The following PSMB3 variants were observed in gnomAD, a reference collection of about 807,000 sequenced individuals.
The protein encoded by PSMB3 is proteasome 20S subunit beta 3.
Under a neutral mutation model 23.3 loss-of-function variants are expected in PSMB3, and 5 were observed. The observed-to-expected ratio is 0.21, with a 90% CI of 0.11 to 0.45. The LOEUF (loss-of-function observed/expected upper bound fraction) is 0.45. Ranked by LOEUF, PSMB3 falls within the 20% of genes least tolerant of loss-of-function variation. The pLI is 0.99. For synonymous variants in PSMB3, 85 were observed against 99.8 expected, an observed-to-expected ratio of 0.85 and a Z score of 0.88; for missense variants, 192 against 277.9, an observed-to-expected ratio of 0.69 and a Z score of 2.20.
intron 5 of PSMB3, 134 bp downstream of exon 5, chr17:38,762,639 G>A: frequency 1.3e-6 from 1 of 744,628 alleles, no homozygotes; most frequent in Non-Finnish European, 2.2e-6. Context: ...GCAGTCCTGG[G>A]TGAGCAAAAG....
chr17:38,762,344 G>C (rs923598378), intron 4 of PSMB3, 67 bp from the exon 5 acceptor site: 1 of 1,336,234 alleles, frequency 7.5e-7, no homozygotes, highest in African/African-American at 1.5e-5. Flanking sequence ...AGAAAAAAGA[G>C]AGTTAAGGGA....
At chr17:38,753,483 C>CTT (rs35484180) in intron 2 of PSMB3, 149 bp downstream of exon 2, 300 of 635,882 alleles carry the variant, frequency 4.7e-4, no homozygotes, top group Non-Finnish European at 6.0e-4. Context: ...CCTTCCCTTT[C>CTT]TTTTTTTTTT....
At chr17:38,762,688 A>G (rs1309678834) in intron 5 of PSMB3, among the ~76,000 whole-genome samples, 183 bp downstream of exon 5, 3 of 152,192 alleles carry the variant, frequency 2.0e-5, no homozygotes, top group East Asian at 3.8e-4. Context: ...CAGCCTACCC[A>G]GCTTCCTCTG....
intron 3 of PSMB3, among the ~76,000 whole-genome samples, chr17:38,757,739 T>C (rs1908267342): frequency 6.6e-6 from 1 of 152,188 alleles, no homozygotes; most frequent in Admixed American, 6.5e-5. Flanking sequence ...CGCTTGAACC[T>C]GGGTGGTGGA....
chr17:38,763,720 C>T (rs1908553551), intron 5 of PSMB3, among the ~76,000 whole-genome samples: 1 of 152,046 alleles, frequency 6.6e-6, no homozygotes, highest in South Asian at 2.1e-4. Flanking sequence ...TCAGGCTGGT[C>T]TTGAACTCCT....
intron 3 of PSMB3, among the ~76,000 whole-genome samples, chr17:38,759,607 C>T (rs910966327): frequency 1.3e-5 from 2 of 151,324 alleles, no homozygotes; most frequent in Non-Finnish European, 2.9e-5. Context: ...TGCAGTGGCG[C>T]GATCTCGGCT....
chr17:38,759,882 C>A (rs951040638), intron 3 of PSMB3, among the ~76,000 whole-genome samples: 5 of 152,148 alleles, frequency 3.3e-5, no homozygotes, highest in Admixed American at 6.6e-5. Flanking sequence ...GTGTCTAGAA[C>A]AAGTTTCTGA....
chr17:38,761,289 G>A (rs1395233373), intron 4 of PSMB3, among the ~76,000 whole-genome samples: 1 of 150,568 alleles, frequency 6.6e-6, no homozygotes, highest in Non-Finnish European at 1.5e-5. Context: ...CGGAGGTTGC[G>A]GTGAACAAAG....
chr17:38,760,589 C>A lies in PSMB3; in HGVS notation c.455C>A (p.Ser152Tyr). The A allele has an allele frequency of 6.2e-7, 1 of 1,614,216 alleles. No individual in the cohort carries two copies. The highest frequency in any genetic ancestry group is 8.5e-7 in the Non-Finnish European group (1 of 1,180,040). The change falls in exon 4 of 6, where the codon TCC (serine) becomes TAC (tyrosine). Residue 152 changes from serine to tyrosine, a missense_variant. Physicochemically the swap from Ser to Tyr is moderately radical, Grantham distance 144. Coordinates refer to ENST00000619426, the MANE Select transcript of PSMB3 (RefSeq NM_002795.4). ...GAACAAATGTACGGAATGTGTGAGT[C>A]CCTCTGGGAGCCCAACATGGTACGT... ...CAEQMYGMCESLWEPNMDPDH... is the reference protein window; with the variant it reads ...CAEQMYGMCEYLWEPNMDPDH...
chr17:38,752,748 A>C lies in PSMB3; in HGVS notation c.-79A>C. Reference sequence around the variant, plus strand: ...ATCAGCCAATGAAGAGACAGCAGTGAGAGCGGTTGCGCAGTGAAGGCTAGA... The same window carrying C: ...ATCAGCCAATGAAGAGACAGCAGTGCGAGCGGTTGCGCAGTGAAGGCTAGA... On this transcript the variant is annotated 5_prime_UTR_variant, in exon 1 of 6. Transcript: ENST00000619426. The surrounding 1 kb of genome is among the most constrained non-coding windows in gnomAD (Gnocchi z 5.5). 6.4e-7 allele frequency: 1 copy of C among 1,557,174 alleles called. No individual in the cohort carries two copies. The highest frequency in any genetic ancestry group is 1.4e-5 in the African/African-American group (1 of 73,890).
Position 38,755,882 on chromosome 17 carries a change from G to C in PSMB3, c.189-1G>C. 1 of 1,613,602 alleles carries C rather than the reference G, an allele frequency of 6.2e-7. No individual in the cohort carries two copies. The highest frequency in any genetic ancestry group is 8.5e-7 in the Non-Finnish European group (1 of 1,179,682). Reference sequence around the variant, plus strand: ...ACTAACTCACTTTTCTCCTACCTCAGTGCCCAGCGCCTCAAGTTCCGGCTG... The same window carrying C: ...ACTAACTCACTTTTCTCCTACCTCACTGCCCAGCGCCTCAAGTTCCGGCTG... On this transcript the variant is annotated splice_acceptor_variant, in intron 2 of 5. Transcript: ENST00000619426. LOFTEE classifies it high-confidence loss of function.
intron 5 of PSMB3, among the ~76,000 whole-genome samples, chr17:38,763,417 T>TA (rs1000144671): frequency 1.3e-5 from 2 of 151,832 alleles, no homozygotes; most frequent in Non-Finnish European, 1.5e-5. Context: ...GGTTTTTTTT[T>TA]ATGTTCTTTG....
At chr17:38,756,108 C>T in intron 3 of PSMB3, 118 bp downstream of exon 3, 1 of 848,364 alleles carries the variant, frequency 1.2e-6, no homozygotes, top group Non-Finnish European at 1.9e-6. Flanking sequence ...AGGATAATAT[C>T]CTTATTTTAT....
At position 38,755,025 on chromosome 17, in the gene PSMB3, A is replaced by G. The variant is rs577904501; in HGVS notation, c.189-858A>G. ...CCCCTTTTTTTTTTTTTTGTCACCC[A>G]GGCTGGTGACATAAACTTAACTCAC... On this transcript the variant is annotated intron_variant, in intron 2 of 5. Transcript: ENST00000619426. Among the ~76,000 whole-genome samples the G allele has an allele frequency of 2.9e-3, 409 of 141,502 alleles. 5 individuals are homozygous for G. Among genetic ancestry groups the G allele is most frequent in the African/African-American group, 0.011 (395 of 37,284 alleles). 92.8% of individuals were successfully genotyped at this position (141,502 alleles called of 152,430 possible). A position where few individuals can be genotyped will look rare whatever the true frequency, so the allele number is the denominator to read the frequency against.
intron 2 of PSMB3, among the ~76,000 whole-genome samples, chr17:38,755,552 G>A (rs1262753801): frequency 6.6e-6 from 1 of 151,482 alleles, no homozygotes; most frequent in African/African-American, 2.4e-5. Context: ...GGCTGAGGCA[G>A]GAGAATAGCG....
intron 5 of PSMB3, among the ~76,000 whole-genome samples, chr17:38,763,362 C>A (rs1457689658): frequency 3.3e-5 from 5 of 151,534 alleles, no homozygotes; most frequent in Non-Finnish European, 1.5e-5. Context: ...TCAAAAAAAA[C>A]AAAAACAAAA....
rs767114858 is a variant in PSMB3, at chr17:38,753,312, C to T, written c.166C>T (p.Leu56Phe). 6.2e-7 allele frequency: 1 copy of T among 1,613,992 alleles called. No individual in the cohort carries two copies. The highest frequency in any genetic ancestry group is 1.1e-5 in the South Asian group (1 of 91,070). The stretch of plus-strand genomic sequence containing the variant: ...CCGGCTGTACATCGGTCTGGCCGGG[C>T]TCGCCACTGACGTCCAGACAGTGTA... ...GDRLYIGLAGLATDVQTVAQR... is the reference protein window; with the variant it reads ...GDRLYIGLAGFATDVQTVAQR... The change falls in exon 2 of 6, where the codon CTC becomes TTC. Residue 56 changes from leucine to phenylalanine, a missense_variant. Coordinates refer to ENST00000619426, the MANE Select transcript of PSMB3 (RefSeq NM_002795.4).
Position 38,760,452 on chromosome 17 carries a change from G to A in PSMB3, c.318G>A (p.Glu106=), listed in dbSNP as rs778864848. 7 of 1,614,094 alleles carry A rather than the reference G, an allele frequency of 4.3e-6. No individual in the cohort carries two copies. Among genetic ancestry groups the A allele is most frequent in the East Asian group, 2.2e-5 (1 of 44,900 alleles). The change falls in exon 4 of 6, where the codon GAG becomes GAA. Residue 106 remains glutamate (E), a synonymous_variant. Transcript: ENST00000619426. ...YEKRFGPYYT[E]PVIAGLDPKT... is the part of the protein sequence containing the mutation. ...ACAGGTTTGGCCCTTACTACACTGA[G>A]CCAGTCATTGCCGGGTTGGACCCGA...
In PSMB3 at chr17:38,764,194, T is replaced by TC; in HGVS notation, c.*28dup. On this transcript the variant is annotated 3_prime_UTR_variant, in exon 6 of 6. Transcript: ENST00000619426. ...CCTGTTCCCAGAGCCCACTTTTTTTTCTTTTTTTGAAATAAAATAGCCTGT... is the reference window on the plus strand; with the variant it reads ...CCTGTTCCCAGAGCCCACTTTTTTTTCCTTTTTTTGAAATAAAATAGCCTGT... The TC allele has an allele frequency of 6.2e-7, 1 of 1,608,142 alleles. No individual in the cohort carries two copies. Among genetic ancestry groups the TC allele is most frequent in the Non-Finnish European group, 8.5e-7 (1 of 1,176,904 alleles).
Sources: allele counts gnomAD v4.1 joint callset (sites outside exome capture counted in the v4.1 genomes callset), GRCh38; gene constraint gnomAD v4.1.1; non-coding constraint Gnocchi (gnomAD v3.1); transcripts MANE v1.5; gene names NCBI Gene and HGNC (gene_info 2026-07-23, HGNC 2026-07-21).